MLLT10: variants seen among roughly 807,000 people sequenced by gnomAD.
MLLT10 encodes the protein MLLT10 histone lysine methyltransferase DOT1L cofactor, also known as protein AF-10.
A neutral mutation model predicts 129.1 loss-of-function variants in MLLT10; 30 were observed. The ratio of observed to expected loss-of-function variants is 0.23; its 90% confidence interval spans 0.17 to 0.32. MLLT10 has a LOEUF of 0.32. MLLT10 is among the 10% of genes least tolerant of loss of function. The probability of loss-of-function intolerance (pLI) is 1.00; values close to 1 mark genes in which losing one functional copy is unlikely to be tolerated. For synonymous variants in MLLT10, 490 were observed against 446.4 expected, an observed-to-expected ratio of 1.10 and a Z score of -1.23; for missense variants, 1,119 against 1,268.3, an observed-to-expected ratio of 0.88 and a Z score of 1.79.
intron 13 of MLLT10, among the ~76,000 whole-genome samples, chr10:21,695,335 C>T (rs974246569): frequency 2.0e-5 from 3 of 152,126 alleles, no homozygotes; most frequent in Non-Finnish European, 4.4e-5. Context: ...ACATTGGATC[C>T]TTCTAGATAA....
intron 3 of MLLT10, among the ~76,000 whole-genome samples, chr10:21,575,832 A>G (rs1686792026): frequency 6.6e-6 from 1 of 152,116 alleles, no homozygotes; most frequent in South Asian, 2.1e-4. Flanking sequence ...TACATTTATA[A>G]TTATTATGAC....
Position 21,658,687 on chromosome 10 carries a change from C to T in MLLT10, c.795+6919C>T, listed in dbSNP as rs575897938. On this transcript the variant is annotated intron_variant, in intron 9 of 22. Transcript: ENST00000307729. Reference sequence around the variant, plus strand: ...GTATATGCTTTTTTTGTATGTGTGACGGAGTCTCGCTCTGTCGCCCAGGCT... The same window carrying T: ...GTATATGCTTTTTTTGTATGTGTGATGGAGTCTCGCTCTGTCGCCCAGGCT... Among the ~76,000 whole-genome samples the T allele has an allele frequency of 3.9e-5, 6 of 152,210 alleles. No homozygotes were observed. The East Asian group carries it at 5.8e-4, about 15-fold the overall frequency.
intron 21 of MLLT10, chr10:21,738,585 C>T (rs897875547): frequency 3.2e-6 from 4 of 1,243,426 alleles, no homozygotes; most frequent in Non-Finnish European, 4.1e-6. Context: ...GAAGCCTCCG[C>T]ACAGCTTCCG....
intron 3 of MLLT10, among the ~76,000 whole-genome samples, chr10:21,544,639 AAAG>A (rs1305042756): frequency 2.0e-5 from 3 of 152,222 alleles, no homozygotes; most frequent in Non-Finnish European, 4.4e-5. Flanking sequence ...AAGGAGTAGA[AAAG>A]AAGGGAGCAT....
chr10:21,614,034 A>G (rs1487455431), intron 6 of MLLT10, among the ~76,000 whole-genome samples: 1 of 151,908 alleles, frequency 6.6e-6, no homozygotes, highest in Non-Finnish European at 1.5e-5. Context: ...GCAACATAGC[A>G]AGACACCTCA....
Position 21,742,390 on chromosome 10 carries a change from G to A in MLLT10, c.*407G>A, listed in dbSNP as rs1311740197. 2 of 231,280 alleles carry A rather than the reference G, an allele frequency of 8.6e-6. No homozygotes were observed. Among genetic ancestry groups the A allele is most frequent in the Non-Finnish European group, 8.5e-6 (1 of 117,508 alleles). The allele number at this position is 231,280 out of a possible 1,614,324, so 14.3% of individuals were successfully genotyped here. ...ACTACTTGATTTTATTGTACAAGTT[G>A]AAATATGCTCTTTTGTTTGGGTTAC... On this transcript the variant is annotated 3_prime_UTR_variant, in exon 23 of 23. Coordinates refer to ENST00000307729, the MANE Select transcript of MLLT10 (RefSeq NM_001195626.3).
At chr10:21,659,949 T>G (rs1453385487) in intron 9 of MLLT10, among the ~76,000 whole-genome samples, 1 of 152,028 alleles carries the variant, frequency 6.6e-6, no homozygotes, top group African/African-American at 2.4e-5. Flanking sequence ...CCTGTTGAAA[T>G]TTCTGTGTTT....
Position 21,673,397 on chromosome 10 carries a change from T to G in MLLT10, c.1099T>G (p.Ser367Ala). ...PGSVKSSSGS[S>A]VQSPQDFLSF... ...CAGTGTAAAGTCATCTTCTGGAAGTTCAGTGCAGTCTCCCCAGGATTTCCT... is the reference window on the plus strand; with the variant it reads ...CAGTGTAAAGTCATCTTCTGGAAGTGCAGTGCAGTCTCCCCAGGATTTCCT... Residue 367 changes from serine (S) to alanine (A), a missense_variant, in exon 11 of 23, where the codon TCA becomes GCA. Ser to Ala is a moderately conservative substitution (Grantham distance 99). Transcript: ENST00000307729. The G allele has an allele frequency of 6.4e-7, 1 of 1,573,504 alleles. No homozygotes were observed. The highest frequency in any genetic ancestry group is 1.1e-5 in the South Asian group (1 of 88,754).
rs931678901 is a variant in MLLT10 at position 21,743,004 on chromosome 10, T to C, written c.*1021T>C. 10 of 230,116 alleles carry C rather than the reference T, an allele frequency of 4.3e-5. No homozygotes were observed. Among genetic ancestry groups the C allele is most frequent in the African/African-American group, 2.2e-4 (10 of 45,276 alleles). The allele number at this position is 230,116 out of a possible 1,614,324, so 14.3% of individuals were successfully genotyped here. ...TTGGTAAGAATAGAGATTTGTTTTATTTAAACCACTTCCCATTACTGACCA... is the reference window on the plus strand; with the variant it reads ...TTGGTAAGAATAGAGATTTGTTTTACTTAAACCACTTCCCATTACTGACCA... On this transcript the variant is annotated 3_prime_UTR_variant, in exon 23 of 23. Coordinates refer to ENST00000307729, the MANE Select transcript of MLLT10 (RefSeq NM_001195626.3).
chr10:21,554,126 G>A (rs1383671647), intron 3 of MLLT10, among the ~76,000 whole-genome samples: 6 of 152,094 alleles, frequency 3.9e-5, no homozygotes, highest in Non-Finnish European at 8.8e-5. Context: ...GTTTAGGTCA[G>A]GGAGAAAGTT....
intron 10 of MLLT10, among the ~76,000 whole-genome samples, chr10:21,672,873 T>C (rs2051616840): frequency 6.6e-6 from 1 of 152,198 alleles, no homozygotes; most frequent in African/African-American, 2.4e-5. Context: ...TATTGTATAT[T>C]GGGAACATTT....
chr10:21,550,494 G>A (rs2036826036), intron 3 of MLLT10, among the ~76,000 whole-genome samples: 2 of 152,054 alleles, frequency 1.3e-5, no homozygotes, highest in Non-Finnish European at 2.9e-5. Context: ...TGATAGCTTC[G>A]TTAACTGCCC....
chr10:21,710,168 GTTCTC>G (rs1328437787), intron 13 of MLLT10, among the ~76,000 whole-genome samples: 5 of 152,004 alleles, frequency 3.3e-5, no homozygotes, highest in African/African-American at 1.2e-4. Flanking sequence ...TCTGTCTTTG[GTTCTC>G]TTCTCTTGAT....
At chr10:21,553,648 TTC>T (rs2037440118) in intron 3 of MLLT10, among the ~76,000 whole-genome samples, 1 of 151,308 alleles carries the variant, frequency 6.6e-6, no homozygotes, top group Non-Finnish European at 1.5e-5. Context: ...TCTTTTCCTT[TTC>T]CTTTTCTTTT....
intron 8 of MLLT10, chr10:21,625,370 T>C: frequency 1.3e-6 from 1 of 773,680 alleles, no homozygotes; most frequent in South Asian, 1.5e-5. Context: ...TCTTTGGAGT[T>C]CTCCAAATTC....
intron 3 of MLLT10, among the ~76,000 whole-genome samples, chr10:21,576,351 T>G (rs1268570053): frequency 6.6e-6 from 1 of 151,266 alleles, no homozygotes; most frequent in Non-Finnish European, 1.5e-5. Context: ...CACGCCATTC[T>G]CCTGCCTCAG....
intron 14 of MLLT10, among the ~76,000 whole-genome samples, chr10:21,717,779 TG>T (rs2056808295): frequency 1.5e-5 from 2 of 131,090 alleles, no homozygotes; most frequent in Non-Finnish European, 3.3e-5. Context: ...CTGCTGCTGC[TG>T]CTTCTTCTTC....
intron 3 of MLLT10, chr10:21,556,664 T>G: frequency 6.2e-7 from 1 of 1,612,054 alleles, no homozygotes; most frequent in Non-Finnish European, 8.5e-7. Context: ...TTCCTGTTGG[T>G]TAGCCTCATC....
rs1183757277 is a variant in MLLT10 at position 21,625,151 on chromosome 10, A to T, written c.699+7944A>T. 6.1e-6 allele frequency: 7 copies of T among 1,152,342 alleles called. 1 individual carries two copies. In the East Asian group the frequency reaches 1.6e-4, roughly 27 times the overall value. 71.4% of individuals were successfully genotyped at this position (1,152,342 alleles called of 1,614,324 possible). ...CTCTAATCGGAAGCGGCATGCGAGG[A>T]GGAGGGTGTAGTGATAATCTTCATA... On this transcript the variant is annotated intron_variant, in intron 8 of 22. Transcript: ENST00000307729.
Sources: gnomAD v4.1 joint callset for allele counts (sites outside exome capture counted in the v4.1 genomes callset) on GRCh38, gnomAD v4.1.1 for gene constraint, MANE v1.5 for transcripts, NCBI Gene and HGNC (gene_info 2026-07-23, HGNC 2026-07-21) for gene names.